The following PDGFRA variants were observed in gnomAD, a reference collection of about 807,000 sequenced individuals.
PDGFRA encodes the protein platelet derived growth factor receptor alpha.
Under a neutral mutation model 121.5 loss-of-function variants are expected in PDGFRA, and 25 were observed. The observed-to-expected ratio is 0.21, with a 90% CI of 0.15 to 0.29. The LOEUF (loss-of-function observed/expected upper bound fraction) is 0.29. Ranked by LOEUF, PDGFRA falls within the 10% of genes least tolerant of loss-of-function variation. The probability of loss-of-function intolerance (pLI) is 1.00; values close to 1 mark genes in which losing one functional copy is unlikely to be tolerated. For missense variants in PDGFRA, 1,008 were observed against 1,345.1 expected, an observed-to-expected ratio of 0.75 and a Z score of 3.92; for synonymous variants, 463 against 494.8, an observed-to-expected ratio of 0.94 and a Z score of 0.85.
chr4:54,271,854 CCCTTGT>C (rs2110283838), intron 8 of PDGFRA, among the ~76,000 whole-genome samples: 2 of 135,106 alleles, frequency 1.5e-5, no homozygotes, highest in African/African-American at 5.4e-5. Context: ...CTCCCTCCCT[CCCTTGT>C]TCTCCCTTTT....
chr4:54,273,520 G>C lies in PDGFRA; in HGVS notation c.1365-17G>C, dbSNP rs371497463. 3.7e-6 allele frequency: 6 copies of C among 1,609,386 alleles called. No homozygotes were observed. The highest frequency in any genetic ancestry group is 5.1e-6 in the Non-Finnish European group (6 of 1,175,870). On this transcript the variant is annotated splice_polypyrimidine_tract_variant and intron_variant, in intron 9 of 22. Coordinates refer to ENST00000257290, the MANE Select transcript of PDGFRA (RefSeq NM_006206.6). ...TCTCAGGAATTGGCCCTATACTTAG[G>C]CCCTTTTTCTCTCTAGATGTAATAA... is the stretch of plus-strand genomic sequence containing the variant.
At chr4:54,257,484 T>G (rs762612281) in intron 1 of PDGFRA, among the ~76,000 whole-genome samples, 1 of 152,106 alleles carries the variant, frequency 6.6e-6, no homozygotes, top group Non-Finnish European at 1.5e-5. Flanking sequence ...GATCTCCAAT[T>G]TTGGGATTCA....
chr4:54,239,396 T>C (rs1200100546), intron 1 of PDGFRA, among the ~76,000 whole-genome samples: 1 of 152,250 alleles, frequency 6.6e-6, no homozygotes, highest in Non-Finnish European at 1.5e-5. Context: ...GTCATTTTAC[T>C]CTTTTGGCTT....
intron 1 of PDGFRA, among the ~76,000 whole-genome samples, chr4:54,249,436 A>T (rs977973691): frequency 1.3e-5 from 2 of 152,226 alleles, no homozygotes; most frequent in African/African-American, 4.8e-5. Flanking sequence ...CATATACACC[A>T]TGGAATAGTA....
intron 4 of PDGFRA, chr4:54,264,324 C>T: frequency 3.2e-6 from 1 of 314,082 alleles, no homozygotes; most frequent in Non-Finnish European, 5.9e-6. Context: ...GACTTCAACC[C>T]TTTGATGTCC....
chr4:54,254,990 G>A (rs1577696627), intron 1 of PDGFRA, among the ~76,000 whole-genome samples: 1 of 152,280 alleles, frequency 6.6e-6, no homozygotes, highest in East Asian at 1.9e-4. Context: ...CCGGGTGGGG[G>A]GCGGTGCGAC....
chr4:54,244,625 G>A (rs1036187726), intron 1 of PDGFRA, among the ~76,000 whole-genome samples: 2 of 152,208 alleles, frequency 1.3e-5, no homozygotes, highest in Admixed American at 6.5e-5. Context: ...GGAAAAAACA[G>A]AGCAGAAAAA....
At position 54,296,745 on chromosome 4, in the gene PDGFRA, A is replaced by G. The variant is rs1724900906; in HGVS notation, c.*1473A>G. On this transcript the variant is annotated 3_prime_UTR_variant, in exon 23 of 23. Coordinates refer to ENST00000257290, the MANE Select transcript of PDGFRA (RefSeq NM_006206.6). Reference sequence around the variant, plus strand: ...CTGACTTAGGTTTCAGGAAGTTGCCATGGGAAACAAATAATTTGAACTTTG... The same window carrying G: ...CTGACTTAGGTTTCAGGAAGTTGCCGTGGGAAACAAATAATTTGAACTTTG... The G allele has an allele frequency of 4.3e-6, 1 of 232,952 alleles. No homozygotes were observed. The highest frequency in any genetic ancestry group is 8.5e-6 in the Non-Finnish European group (1 of 117,938). 14.4% of individuals were successfully genotyped at this position (232,952 alleles called of 1,614,324 possible).
chr4:54,286,241 G>A (rs1713446629), intron 18 of PDGFRA, among the ~76,000 whole-genome samples: 1 of 151,958 alleles, frequency 6.6e-6, no homozygotes, highest in African/African-American at 2.4e-5. Flanking sequence ...GTTGCTATGG[G>A]GATTAAATCA....
chr4:54,289,232 C>T, intron 21 of PDGFRA, 118 bp downstream of exon 21: 1 of 724,282 alleles, frequency 1.4e-6, no homozygotes, highest in Middle Eastern at 3.3e-4. Flanking sequence ...CTGTGTGATC[C>T]AGTGGCTGGG....
intron 1 of PDGFRA, among the ~76,000 whole-genome samples, chr4:54,231,985 G>A (rs928454554): frequency 1.6e-4 from 25 of 152,250 alleles, no homozygotes; most frequent in Admixed American, 1.2e-3. Context: ...GTGCCTCCTG[G>A]GGACGGACCG....
chr4:54,293,303 C>T (rs886137355), intron 22 of PDGFRA, among the ~76,000 whole-genome samples: 1 of 152,108 alleles, frequency 6.6e-6, no homozygotes, highest in African/African-American at 2.4e-5. Flanking sequence ...TAACCTGACT[C>T]AGGTTAGATC....
At chr4:54,231,518 C>T (rs4864861) in intron 1 of PDGFRA, among the ~76,000 whole-genome samples, 34,581 of 152,202 alleles carry the variant, frequency 0.23, 4,128 homozygotes, top group Admixed American at 0.32. Context: ...CCGCGCTGTC[C>T]CATCCCCGAC....
At chr4:54,236,830 GA>G (rs1160553575) in intron 1 of PDGFRA, among the ~76,000 whole-genome samples, 3 of 151,884 alleles carry the variant, frequency 2.0e-5, no homozygotes, top group African/African-American at 7.3e-5. Context: ...AAAGAAAAAA[GA>G]AAAAAAGAAA....
intron 1 of PDGFRA, among the ~76,000 whole-genome samples, chr4:54,249,796 TA>T (rs1221568093): frequency 1.3e-5 from 2 of 151,894 alleles, no homozygotes; most frequent in Non-Finnish European, 2.9e-5. Flanking sequence ...AATAATAAAA[TA>T]AAAAAATTTT....
At position 54,295,334 on chromosome 4, in the gene PDGFRA, C is replaced by G; in HGVS notation, c.*62C>G. 1 of 1,536,396 alleles carries G rather than the reference C, an allele frequency of 6.5e-7. No homozygotes were observed. The highest frequency in any genetic ancestry group is 9.0e-7 in the Non-Finnish European group (1 of 1,110,414). On this transcript the variant is annotated 3_prime_UTR_variant, in exon 23 of 23. Coordinates refer to ENST00000257290, the MANE Select transcript of PDGFRA (RefSeq NM_006206.6). ...CACCTCTGGATCCCGTTCAGAAAAC[C>G]ACTTTATTGCAATGCAGAGGTTGAG...
chr4:54,278,944 C>T (rs905403987), intron 15 of PDGFRA: 1 of 438,676 alleles, frequency 2.3e-6, no homozygotes, highest in African/African-American at 2.0e-5. Flanking sequence ...CTGCAGAAAT[C>T]TACAAGTGGC....
In PDGFRA at chr4:54,270,877, C is replaced by T. The variant is rs188483368; in HGVS notation, c.1237+129C>T. ...GGGGAGAAGCAGTGTCTGCATATGT[C>T]ACATATCGGGAATACCTCTGCTGGA... On this transcript the variant is annotated intron_variant, in intron 8 of 22. Coordinates refer to ENST00000257290, the MANE Select transcript of PDGFRA (RefSeq NM_006206.6). 7.5e-4 allele frequency: 522 copies of T among 696,676 alleles called. 2 individuals carry two copies. The African/African-American group carries it at 8.3e-3, about 11-fold the overall frequency. 43.2% of individuals were successfully genotyped at this position (696,676 alleles called of 1,614,324 possible). A position where few individuals can be genotyped will look rare whatever the true frequency, so the allele number is the denominator to read the frequency against.
At chr4:54,246,693 A>G (rs894442393) in intron 1 of PDGFRA, among the ~76,000 whole-genome samples, 2 of 151,942 alleles carry the variant, frequency 1.3e-5, no homozygotes, top group African/African-American at 4.8e-5. Flanking sequence ...AAAAGCTAGC[A>G]GAAGGCAAGA....
Sources: gnomAD v4.1 joint callset for allele counts (sites outside exome capture counted in the v4.1 genomes callset) on GRCh38, gnomAD v4.1.1 for gene constraint, MANE v1.5 for transcripts, NCBI Gene and HGNC (gene_info 2026-07-23, HGNC 2026-07-21) for gene names.